The following ING5 variants were observed in gnomAD, a reference collection of about 807,000 sequenced individuals.
ING5 encodes the protein inhibitor of growth family member 5.
Under a neutral mutation model 37.4 loss-of-function variants are expected in ING5, and 17 were observed. The ratio of observed to expected loss-of-function variants is 0.45; its 90% CI spans 0.31 to 0.68. ING5 has a LOEUF of 0.68. ING5 is among the 30% of genes least tolerant of loss of function. ING5 has a pLI of 0.05. For missense variants in ING5, 233 were observed against 311.9 expected, an observed-to-expected ratio of 0.75 and a Z score of 1.91; for synonymous variants, 123 against 116.6, an observed-to-expected ratio of 1.06 and a Z score of -0.36.
intron 2 of ING5, among the ~76,000 whole-genome samples, chr2:241,707,735 C>G (rs2069967487): frequency 6.6e-6 from 1 of 152,144 alleles, no homozygotes; most frequent in South Asian, 2.1e-4. Flanking sequence ...GATTGCTTAA[C>G]AAATATTACC....
intron 5 of ING5, chr2:241,719,542 C>T (rs751734032): frequency 2.6e-6 from 4 of 1,535,936 alleles, no homozygotes; most frequent in East Asian, 2.4e-5. Flanking sequence ...GGCCCTGTCC[C>T]GACCGTGCCT....
chr2:241,698,842 C>A (rs2069670529), upstream of ING5, among the ~76,000 whole-genome samples: 1 of 152,012 alleles, frequency 6.6e-6, no homozygotes, highest in Admixed American at 6.6e-5. Flanking sequence ...GATTCTCCTG[C>A]CTCACCTTCC....
upstream of ING5, among the ~76,000 whole-genome samples, chr2:241,701,719 T>G (rs1435332680): frequency 6.6e-6 from 1 of 152,194 alleles, no homozygotes; most frequent in South Asian, 2.1e-4. Flanking sequence ...GACCACGTGT[T>G]TGCGTTTGGT....
intron 2 of ING5, among the ~76,000 whole-genome samples, chr2:241,695,643 G>A (rs927944621): frequency 1.3e-5 from 2 of 152,046 alleles, no homozygotes; most frequent in African/African-American, 4.8e-5. Flanking sequence ...CTGAGATCGC[G>A]CCACCACACT....
Position 241,709,253 on chromosome 2 carries a change from C to T in ING5, c.147C>T (p.Tyr49=), listed in dbSNP as rs1295623851. 1 of 1,613,762 alleles carries T rather than the reference C, an allele frequency of 6.2e-7. No individual in the cohort carries two copies. Among genetic ancestry groups the T allele is most frequent in the Non-Finnish European group, 8.5e-7 (1 of 1,179,948 alleles). Residue 49 remains tyrosine, a synonymous_variant, in exon 3 of 8, where the codon TAC becomes TAT. Transcript: ENST00000313552. ...KAEIDILAAE[Y]ISTVKTLSPD... ...AGATTGACATCCTGGCTGCAGAGTA[C>T]ATCTCCACGGTGAAGACGCTGTCTC...
intron 5 of ING5, among the ~76,000 whole-genome samples, chr2:241,718,409 CTCTT>C (rs1357802900): frequency 5.5e-4 from 53 of 97,048 alleles, no homozygotes; most frequent in African/African-American, 1.9e-3. Flanking sequence ...TCCTTCTTTT[CTCTT>C]TCTGTCTTTT....
upstream of ING5, among the ~76,000 whole-genome samples, chr2:241,700,660 CTT>C (rs1363499277): frequency 6.6e-6 from 1 of 151,918 alleles, no homozygotes; most frequent in Non-Finnish European, 1.5e-5. Flanking sequence ...GAGTCTTGCT[CTT>C]GTCACCCAAG....
At chr2:241,723,624 G>T (rs1266887888) in intron 7 of ING5, among the ~76,000 whole-genome samples, 1 of 152,240 alleles carries the variant, frequency 6.6e-6, no homozygotes, top group Non-Finnish European at 1.5e-5. Context: ...AGAGGTTCTT[G>T]TCCCCTAGGG....
intron 5 of ING5, chr2:241,721,215 C>T (rs145451947): frequency 0.014 from 13,601 of 985,600 alleles, 107 homozygotes; most frequent in Non-Finnish European, 0.015. Flanking sequence ...GGTGGCATCC[C>T]GGAATCGGCA....
Position 241,727,733 on chromosome 2 carries a change from A to G in ING5, c.*2702A>G, listed in dbSNP as rs1328958696. ...AGTTTGTGCTGAAACAGCGCCTGGC[A>G]ATTTTTCAGAAATGAATTTGATATT... On this transcript the variant is annotated 3_prime_UTR_variant, in exon 8 of 8. Coordinates refer to ENST00000313552, the MANE Select transcript of ING5 (RefSeq NM_032329.6). 1 of 152,250 alleles carries G rather than the reference A, an allele frequency of 6.6e-6. No individual in the cohort carries two copies. The highest frequency in any genetic ancestry group is 2.4e-5 in the African/African-American group (1 of 41,462). 9.4% of individuals were successfully genotyped at this position (152,250 alleles called of 1,614,324 possible). A position where few individuals can be genotyped will look rare whatever the true frequency, so the allele number is the denominator to read the frequency against.
chr2:241,695,068 C>G (rs556381846), intron 2 of ING5, among the ~76,000 whole-genome samples: 3 of 149,990 alleles, frequency 2.0e-5, no homozygotes, highest in Non-Finnish European at 4.4e-5. Context: ...CCTCCTCCCA[C>G]TGTTAGTTGT....
In ING5 at chr2:241,729,411, A is replaced by G. The variant is rs1336287974; in HGVS notation, c.*4380A>G. Reference sequence around the variant, plus strand: ...ATTAGATAATGTAAAGATGTATATCAGTATTTTTGGATCATGTTATAGATT... The same window carrying G: ...ATTAGATAATGTAAAGATGTATATCGGTATTTTTGGATCATGTTATAGATT... On this transcript the variant is annotated 3_prime_UTR_variant, in exon 8 of 8. Transcript: ENST00000313552. 1 of 152,678 alleles carries G rather than the reference A, an allele frequency of 6.5e-6. No individual in the cohort carries two copies. The highest frequency in any genetic ancestry group is 1.5e-5 in the Non-Finnish European group (1 of 68,040). The allele number at this position is 152,678 out of a possible 1,614,324, so 9.5% of individuals were successfully genotyped here.
chr2:241,717,451 T>G (rs2124934824), intron 5 of ING5, among the ~76,000 whole-genome samples: 1 of 152,330 alleles, frequency 6.6e-6, no homozygotes, highest in East Asian at 1.9e-4. Context: ...TATTTCTTTA[T>G]GTGGATGCAA....
At chr2:241,703,562 A>G (rs751793011) in intron 1 of ING5, among the ~76,000 whole-genome samples, 1 of 150,912 alleles carries the variant, frequency 6.6e-6, no homozygotes, top group African/African-American at 2.4e-5. Flanking sequence ...GTAGCTCCCT[A>G]TGGCCACCAC....
chr2:241,726,187 G>C lies in ING5; in HGVS notation c.*1156G>C, dbSNP rs34119918. ...GTGCCTTTAGAGGAAGGAGAGGATT[G>C]CTGAGGAATGCAGGGACGCCTGTTT... On this transcript the variant is annotated 3_prime_UTR_variant, in exon 8 of 8. Coordinates refer to ENST00000313552, the MANE Select transcript of ING5 (RefSeq NM_032329.6). 0.59 allele frequency: 90,436 copies of C among 152,002 alleles called. 27,433 individuals carry two copies. Among genetic ancestry groups the C allele is most frequent in the East Asian group, 0.75 (3,850 of 5,140 alleles). 9.4% of individuals were successfully genotyped at this position (152,002 alleles called of 1,614,324 possible).
chr2:241,715,323 T>C (rs773317901), intron 5 of ING5, among the ~76,000 whole-genome samples: 19 of 151,940 alleles, frequency 1.3e-4, no homozygotes, highest in Non-Finnish European at 2.2e-4. Context: ...GCCTCCCAAG[T>C]AGCTGGGACC....
At position 241,727,266 on chromosome 2, in the gene ING5, C is replaced by T. The variant is rs1249347943; in HGVS notation, c.*2235C>T. On this transcript the variant is annotated 3_prime_UTR_variant, in exon 8 of 8. Transcript: ENST00000313552. The stretch of plus-strand genomic sequence containing the variant: ...GATGAATTTTCATTTAATGACTTAA[C>T]TTTTTGTTAGCACAGGTTTTGTGTG... 1 of 151,970 alleles carries T rather than the reference C, an allele frequency of 6.6e-6. No individual in the cohort carries two copies. The highest frequency in any genetic ancestry group is 2.4e-5 in the African/African-American group (1 of 41,350). The allele number at this position is 151,970 out of a possible 1,614,324, so 9.4% of individuals were successfully genotyped here.
chr2:241,717,068 G>A (rs2070294358), intron 5 of ING5, among the ~76,000 whole-genome samples: 1 of 151,622 alleles, frequency 6.6e-6, no homozygotes, highest in Admixed American at 6.6e-5. Context: ...GCCATTTCTG[G>A]TAACCTTCAT....
chr2:241,703,851 CTGT>C (rs1339134219), intron 1 of ING5, among the ~76,000 whole-genome samples: 1 of 152,194 alleles, frequency 6.6e-6, no homozygotes, highest in Non-Finnish European at 1.5e-5. Flanking sequence ...ACTGATTTGC[CTGT>C]CTTGATCTCC....
Sources: gnomAD v4.1 joint callset for allele counts (sites outside exome capture counted in the v4.1 genomes callset) on GRCh38, gnomAD v4.1.1 for gene constraint, MANE v1.5 for transcripts, NCBI Gene and HGNC (gene_info 2026-07-23, HGNC 2026-07-21) for gene names.